The following SULF1 variants were observed in gnomAD, a reference collection of about 807,000 sequenced individuals.
The protein encoded by SULF1 is extracellular sulfatase Sulf-1.
In SULF1, 46 loss-of-function variants were observed where a neutral mutation model predicts 110.5. The observed-to-expected ratio is 0.42, with a 90% CI of 0.33 to 0.53. The LOEUF is 0.53. Among genes scored for constraint, SULF1 ranks in the 20% least tolerant of loss-of-function variants. The pLI is 0.12. For synonymous variants in SULF1, 371 were observed against 387.1 expected (o/e 0.96, Z 0.49); for missense variants, 941 against 1,094.2 (o/e 0.86, Z 1.98).
At chr8:69,625,093 T>C (rs1178079755) in intron 15 of SULF1, among the ~76,000 whole-genome samples, 1 of 152,224 alleles carries the variant, frequency 6.6e-6, no homozygotes, top group Non-Finnish European at 1.5e-5. Flanking sequence ...CTGGGGCTGT[T>C]TGTTTACTTC....
At chr8:69,622,977 T>C (rs1444567565) in intron 14 of SULF1, among the ~76,000 whole-genome samples, 2 of 152,144 alleles carry the variant, frequency 1.3e-5, no homozygotes, top group Non-Finnish European at 2.9e-5. Context: ...CCCCACTTCT[T>C]TCTATGTTAG....
intron 13 of SULF1, among the ~76,000 whole-genome samples, chr8:69,608,656 G>C (rs1808411230): frequency 6.6e-6 from 1 of 152,078 alleles, no homozygotes; most frequent in African/African-American, 2.4e-5. Context: ...TTGCACTCCA[G>C]CCTGGGCAAA....
chr8:69,635,206 G>A (rs1207601499), intron 19 of SULF1, among the ~76,000 whole-genome samples: 2 of 152,242 alleles, frequency 1.3e-5, no homozygotes, highest in Admixed American at 6.5e-5. Flanking sequence ...ACTACTCTAT[G>A]TGATACAACA....
At chr8:69,493,987 A>G (rs534959395) in intron 1 of SULF1, among the ~76,000 whole-genome samples, 191 of 151,038 alleles carry the variant, frequency 1.3e-3, no homozygotes, top group African/African-American at 4.4e-3. Flanking sequence ...TTGCTATTTG[A>G]ACAAGCCAAA....
At chr8:69,619,317 C>T (rs1809417716) in intron 13 of SULF1, among the ~76,000 whole-genome samples, 1 of 152,182 alleles carries the variant, frequency 6.6e-6, no homozygotes, top group Non-Finnish European at 1.5e-5. Context: ...TATTTTAACT[C>T]TGTGACAACT....
chr8:69,630,789 G>C (rs562383701), intron 19 of SULF1, among the ~76,000 whole-genome samples: 1 of 152,172 alleles, frequency 6.6e-6, no homozygotes, highest in African/African-American at 2.4e-5. Flanking sequence ...ATGAGTTGTA[G>C]TAATGCTATG....
chr8:69,658,349 T>TA (rs1160420677), intron 22 of SULF1, among the ~76,000 whole-genome samples, 156 bp from the exon 23 acceptor site: 1 of 152,204 alleles, frequency 6.6e-6, no homozygotes, highest in Non-Finnish European at 1.5e-5. Context: ...ACCTGTAACC[T>TA]AAGGCCACTC....
chr8:69,533,401 C>T (rs1015106232), intron 3 of SULF1, among the ~76,000 whole-genome samples: 1 of 152,148 alleles, frequency 6.6e-6, no homozygotes, highest in African/African-American at 2.4e-5. Context: ...TTCTCCCTCC[C>T]TCCGTCCCCC....
chr8:69,646,365 C>T (rs539954811), intron 22 of SULF1, among the ~76,000 whole-genome samples: 1 of 151,874 alleles, frequency 6.6e-6, no homozygotes, highest in African/African-American at 2.4e-5. Context: ...TGAATGCTTT[C>T]GTATATTAAT....
intron 1 of SULF1, among the ~76,000 whole-genome samples, chr8:69,474,557 C>T (rs1809224247): frequency 6.6e-6 from 1 of 152,088 alleles, no homozygotes; most frequent in Non-Finnish European, 1.5e-5. Context: ...ATCATGTTCT[C>T]TTTTTTTCTT....
intron 6 of SULF1, among the ~76,000 whole-genome samples, chr8:69,581,309 G>A (rs193023195): frequency 3.0e-4 from 46 of 152,158 alleles, no homozygotes; most frequent in Non-Finnish European, 5.4e-4. Context: ...ACTTTTCTGC[G>A]GCATCAGATC....
chr8:69,544,281 T>A (rs943299357), intron 3 of SULF1, among the ~76,000 whole-genome samples: 5 of 151,828 alleles, frequency 3.3e-5, no homozygotes, highest in African/African-American at 1.2e-4. Flanking sequence ...TTGTTTGTTT[T>A]TTTTTGAGAT....
At chr8:69,569,417 G>A (rs1241104986) in intron 5 of SULF1, among the ~76,000 whole-genome samples, 1 of 152,070 alleles carries the variant, frequency 6.6e-6, no homozygotes, top group Middle Eastern at 3.2e-3. Flanking sequence ...AAAAAATGAA[G>A]GCTTGTATTC....
chr8:69,651,543 C>CT (rs1473036216), intron 22 of SULF1, among the ~76,000 whole-genome samples: 2 of 145,764 alleles, frequency 1.4e-5, no homozygotes, highest in African/African-American at 5.3e-5. Context: ...GCCATCAGTT[C>CT]TTTTTTTTAG....
chr8:69,492,317 G>A (rs902769301), upstream of SULF1, among the ~76,000 whole-genome samples: 3 of 151,844 alleles, frequency 2.0e-5, no homozygotes, highest in Admixed American at 6.6e-5. Context: ...GAGAAGAGAG[G>A]AGAGACCCAG....
chr8:69,494,884 G>GAAAA (rs59596365), intron 1 of SULF1, among the ~76,000 whole-genome samples: 1 of 109,692 alleles, frequency 9.1e-6, no homozygotes, highest in Non-Finnish European at 2.0e-5. Context: ...TATCTCAAAG[G>GAAAA]AAAAAAAAAA....
intron 1 of SULF1, among the ~76,000 whole-genome samples, chr8:69,484,342 G>A (rs1809615321): frequency 6.6e-6 from 1 of 152,046 alleles, no homozygotes; most frequent in Non-Finnish European, 1.5e-5. Flanking sequence ...GCAGCTCCTG[G>A]CACACATGGA....
chr8:69,502,690 C>CTTTTTTTTTTTT (rs765285613), intron 3 of SULF1, among the ~76,000 whole-genome samples: 5 of 125,904 alleles, frequency 4.0e-5, no homozygotes, highest in African/African-American at 1.2e-4. Flanking sequence ...CTTTTTTTTT[C>CTTTTTTTTTTTT]TTTTTTTTTT....
At chr8:69,622,610 C>T (rs190279045) in intron 14 of SULF1, among the ~76,000 whole-genome samples, 11 of 151,938 alleles carry the variant, frequency 7.2e-5, no homozygotes, top group African/African-American at 2.4e-4. Context: ...TAATAAGGGA[C>T]GAGGACCCCA....
Sources: gnomAD v4.1 joint callset for allele counts (sites outside exome capture counted in the v4.1 genomes callset) on GRCh38, gnomAD v4.1.1 for gene constraint, MANE v1.5 for transcripts, NCBI Gene and HGNC (gene_info 2026-07-23, HGNC 2026-07-21) for gene names.